The following FZD3 variants were observed in gnomAD, a reference collection of about 807,000 sequenced individuals.
FZD3 encodes frizzled-3.
A neutral mutation model predicts 60.7 loss-of-function variants in FZD3; 30 were observed. That is an observed-to-expected ratio of 0.49 (90% CI 0.37 to 0.67). The LOEUF (loss-of-function observed/expected upper bound fraction) is 0.67. Among genes scored for constraint, FZD3 ranks in the 30% least tolerant of loss-of-function variants. The pLI is 0.00. For missense variants in FZD3, 605 were observed against 838.7 expected (o/e 0.72, Z 3.44); for synonymous variants, 246 against 275.2 (o/e 0.89, Z 1.05).
At chr8:28,552,327 G>T (rs1034864575) in intron 6 of FZD3, among the ~76,000 whole-genome samples, 4 of 152,162 alleles carry the variant, frequency 2.6e-5, no homozygotes, top group Non-Finnish European at 5.9e-5. Context: ...TAGATTAATT[G>T]AAATGTGTTA....
chr8:28,568,539 T>C lies in FZD3; in HGVS notation c.*5528T>C, dbSNP rs1276193873. The C allele has an allele frequency of 1.3e-5, 2 of 152,140 alleles. No homozygotes were observed. Among genetic ancestry groups the C allele is most frequent in the African/African-American group, 4.8e-5 (2 of 41,424 alleles). 9.4% of individuals were successfully genotyped at this position (152,140 alleles called of 1,614,324 possible). A position where few individuals can be genotyped will look rare whatever the true frequency, so the allele number is the denominator to read the frequency against. On this transcript the variant is annotated 3_prime_UTR_variant, in exon 8 of 8. Transcript: ENST00000240093. ...ATTTTCTCTCAGGATCCAAGTCTTC[T>C]AAGAATGAAAATGTTGAAGTCTACC...
chr8:28,540,032 T>C (rs907387917), intron 5 of FZD3, among the ~76,000 whole-genome samples: 11 of 152,142 alleles, frequency 7.2e-5, no homozygotes, highest in Non-Finnish European at 1.5e-4. Flanking sequence ...AAAGGAGTTA[T>C]TGCAACTCTG....
chr8:28,541,076 C>T (rs1041065487), intron 5 of FZD3, among the ~76,000 whole-genome samples: 3 of 152,082 alleles, frequency 2.0e-5, no homozygotes, highest in South Asian at 2.1e-4. Flanking sequence ...GCCTGTTTTA[C>T]GTACTAACTA....
chr8:28,561,933 C>G (rs1376536346), intron 7 of FZD3, among the ~76,000 whole-genome samples: 2 of 152,120 alleles, frequency 1.3e-5, no homozygotes, highest in Admixed American at 6.6e-5. Context: ...TGGCCTAGAG[C>G]TAATCTCATT....
At chr8:28,552,167 A>G (rs943344355) in intron 6 of FZD3, among the ~76,000 whole-genome samples, 3 of 152,214 alleles carry the variant, frequency 2.0e-5, no homozygotes, top group Admixed American at 6.5e-5. Context: ...TGCTTGGCCA[A>G]AGTCACACAG....
At position 28,569,271 on chromosome 8, in the gene FZD3, G is replaced by A. The variant is rs1428488446; in HGVS notation, c.*6260G>A. On this transcript the variant is annotated 3_prime_UTR_variant, in exon 8 of 8. Coordinates refer to ENST00000240093, the MANE Select transcript of FZD3 (RefSeq NM_017412.4). The stretch of plus-strand genomic sequence containing the variant: ...AAAAAATCTATTTTCTAAATTGGCA[G>A]GATTTTTTTAATGATTAGTAAAACT... The A allele has an allele frequency of 6.6e-6, 1 of 151,096 alleles. No individual in the cohort carries two copies. The highest frequency in any genetic ancestry group is 6.6e-5 in the Admixed American group (1 of 15,176). 9.4% of individuals were successfully genotyped at this position (151,096 alleles called of 1,614,324 possible). A position where few individuals can be genotyped will look rare whatever the true frequency, so the allele number is the denominator to read the frequency against.
chr8:28,530,364 G>C (rs1804836622), intron 5 of FZD3: 1 of 151,854 alleles, frequency 6.6e-6, no homozygotes, highest in African/African-American at 2.4e-5. Flanking sequence ...ACCTCCTAGG[G>C]TTGTTTTTAG....
In FZD3 at chr8:28,511,864, CT is replaced by C. The variant is rs765002703; in HGVS notation, c.189+8665del. On this transcript the variant is annotated intron_variant, in intron 3 of 7. Transcript: ENST00000240093. ...CAAAGTAGAGCTTGTCTTTATTCAT[CT>C]TTGTATGCCCAGTACCCGACACAGA... 2.7e-3 allele frequency among the ~76,000 whole-genome samples: 409 copies of C among 152,248 alleles called. 1 individual carries two copies. The highest frequency in any genetic ancestry group is 3.4e-3 in the Non-Finnish European group (233 of 68,014).
rs1366435201 is a variant in FZD3 at position 28,565,939 on chromosome 8, A to G, written c.*2928A>G. On this transcript the variant is annotated 3_prime_UTR_variant, in exon 8 of 8. Coordinates refer to ENST00000240093, the MANE Select transcript of FZD3 (RefSeq NM_017412.4). ...GTTCTCTCTAACATGTTAATATATT[A>G]TCAAAAGGTTTTCAAAAAGTACTTT... The G allele has an allele frequency of 6.7e-6, 1 of 149,886 alleles. No homozygotes were observed. The highest frequency in any genetic ancestry group is 1.5e-5 in the Non-Finnish European group (1 of 67,502). The allele number at this position is 149,886 out of a possible 1,614,324, so 9.3% of individuals were successfully genotyped here.
intron 5 of FZD3, among the ~76,000 whole-genome samples, chr8:28,540,166 A>G (rs534947045): frequency 4.1e-4 from 62 of 152,292 alleles, no homozygotes; most frequent in African/African-American, 1.4e-3. Context: ...GCTTACAGCA[A>G]GTAGATGCTG....
At chr8:28,530,547 G>A (rs1254789588) in intron 5 of FZD3, 1 of 152,100 alleles carries the variant, frequency 6.6e-6, no homozygotes, top group East Asian at 1.9e-4. Context: ...GCTCTGTATT[G>A]TCTATTATTG....
chr8:28,533,806 CATA>C (rs1048701727), intron 5 of FZD3, among the ~76,000 whole-genome samples: 2 of 152,050 alleles, frequency 1.3e-5, no homozygotes, highest in African/African-American at 4.8e-5. Context: ...TTCTCTTTAG[CATA>C]ATAATTCAGA....
rs1251678520 is a variant in FZD3, at chr8:28,563,002, C to G, written c.1992C>G (p.Thr664=). ...SMNRVIEEDG[T]SA ...ATCGGGTTATTGAAGAAGATGGAAC[C>G]AGTGCTTAATTTGTCTTGTCTAAGG... The change falls in exon 8 of 8, where the codon ACC becomes ACG. Residue 664 remains threonine, a synonymous_variant. Transcript: ENST00000240093. 3 of 1,607,482 alleles carry G rather than the reference C, an allele frequency of 1.9e-6. No individual in the cohort carries two copies. Among genetic ancestry groups the G allele is most frequent in the Non-Finnish European group, 2.6e-6 (3 of 1,174,106 alleles).
chr8:28,497,152 C>T (rs952558699), intron 1 of FZD3, among the ~76,000 whole-genome samples: 2 of 152,020 alleles, frequency 1.3e-5, no homozygotes, highest in East Asian at 1.9e-4. Flanking sequence ...TTTACTTTTC[C>T]TCTGTGTGTG....
chr8:28,563,267 G>A lies in FZD3; in HGVS notation c.*256G>A. ...TTATGAAGAGATAATTATTTGTCTGGTAAGCATTTTTATAAACCCACTCAT... is the reference window on the plus strand; with the variant it reads ...TTATGAAGAGATAATTATTTGTCTGATAAGCATTTTTATAAACCCACTCAT... On this transcript the variant is annotated 3_prime_UTR_variant, in exon 8 of 8. Transcript: ENST00000240093. The A allele has an allele frequency of 2.4e-6, 1 of 416,056 alleles. No homozygotes were observed. The highest frequency in any genetic ancestry group is 4.4e-6 in the Non-Finnish European group (1 of 225,410). The allele number at this position is 416,056 out of a possible 1,614,324, so 25.8% of individuals were successfully genotyped here.
chr8:28,496,296 A>G (rs1274330622), intron 1 of FZD3, among the ~76,000 whole-genome samples: 1 of 152,222 alleles, frequency 6.6e-6, no homozygotes, highest in Non-Finnish European at 1.5e-5. Flanking sequence ...AAGATTTTAT[A>G]GTCAAAACTT....
chr8:28,509,447 TATAG>T (rs1311069628), intron 3 of FZD3, among the ~76,000 whole-genome samples: 2 of 152,114 alleles, frequency 1.3e-5, no homozygotes, highest in African/African-American at 4.8e-5. Context: ...TAGTAGCATT[TATAG>T]ATATTCCTCA....
chr8:28,511,197 C>T (rs922997084), intron 3 of FZD3, among the ~76,000 whole-genome samples: 2 of 150,770 alleles, frequency 1.3e-5, no homozygotes, highest in African/African-American at 2.4e-5. Context: ...ACTAAAAATA[C>T]AAAAGTTGGC....
intron 3 of FZD3, among the ~76,000 whole-genome samples, chr8:28,516,814 T>C (rs1469981478): frequency 1.3e-5 from 2 of 152,112 alleles, no homozygotes; most frequent in Non-Finnish European, 2.9e-5. Context: ...TGTTTTCCTC[T>C]CTGTTACTTT....
Sources: gnomAD v4.1 joint callset for allele counts (sites outside exome capture counted in the v4.1 genomes callset) on GRCh38, gnomAD v4.1.1 for gene constraint, MANE v1.5 for transcripts, NCBI Gene and HGNC (gene_info 2026-07-23, HGNC 2026-07-21) for gene names.